Variants in KLHDC7B observed in about 807,000 individuals in gnomAD.
KLHDC7B encodes the protein kelch domain-containing protein 7B.
A neutral mutation model predicts 0.6 loss-of-function variants in KLHDC7B; 1 was observed. The ratio of observed to expected loss-of-function variants is 1.71; its 90% CI spans 0.61 to 8.11. The LOEUF (loss-of-function observed/expected upper bound fraction) is 8.11. Ranked by LOEUF, KLHDC7B falls within the 30% of genes most tolerant of loss-of-function variation. The probability of loss-of-function intolerance (pLI) is 0.13; values close to 1 mark genes in which losing one functional copy is unlikely to be tolerated. For synonymous variants in KLHDC7B, 462 were observed against 405.2 expected (o/e 1.14, Z -1.68); for missense variants, 993 against 894.9 (o/e 1.11, Z -1.40).
At position 50,547,553 on chromosome 22, in the gene KLHDC7B, T is replaced by C. The variant is rs769755264; in HGVS notation, c.1310T>C (p.Leu437Pro). 2 of 398,862 alleles carry C rather than the reference T, an allele frequency of 5.0e-6. No individual in the cohort carries two copies. The highest frequency in any genetic ancestry group is 8.8e-6 in the Non-Finnish European group (2 of 226,270). 24.7% of individuals were successfully genotyped at this position (398,862 alleles called of 1,614,324 possible). A position where few individuals can be genotyped will look rare whatever the true frequency, so the allele number is the denominator to read the frequency against. ...GGGTTCCCACCTGAAGCCCTGACTC[T>C]CCCCTCTCCTTCAGACTTTTTGCCC... ...GPGFPPEALTLPSPSDFLPLE... is the reference protein window; with the variant it reads ...GPGFPPEALTPPSPSDFLPLE... The change falls in exon 1 of 1, where the codon CTC becomes CCC. Residue 437 changes from leucine (L) to proline (P), a missense_variant. By Grantham distance (98) the Leu-to-Pro change is moderately conservative (BLOSUM62 -3). Transcript: ENST00000648057.
chr22:50,549,744 G>GCCCCCCCCCCCCC lies in KLHDC7B; in HGVS notation c.1581_1582insCCCCCCCCCCCCC (p.Ala528ProfsTer64). 7 of 1,554,582 alleles carry GCCCCCCCCCCCCC rather than the reference G, an allele frequency of 4.5e-6. No homozygotes were observed. The highest frequency in any genetic ancestry group is 3.9e-5 in the Admixed American group (2 of 50,754). On this transcript the variant is annotated frameshift_variant, in exon 1 of 1. Coordinates refer to the KLHDC7B transcript ENST00000395676. LOFTEE classifies it low-confidence loss of function (END_TRUNC). ...GGAGCAGGGCTGCCTCCCTGCCCCT[G>GCCCCCCCCCCCCC]CCCGCCCCCGCCCCACTGCACTGCA...
Position 50,546,760 on chromosome 22 carries a change from G to A in KLHDC7B, c.517G>A (p.Ala173Thr), listed in dbSNP as rs1273613328. The change falls in exon 1 of 1, where the codon GCC (alanine) becomes ACC (threonine). Residue 173 changes from alanine to threonine, a missense_variant. Physicochemically the swap from Ala to Thr is moderately conservative, Grantham distance 58. Transcript: ENST00000648057. The part of the protein sequence containing the change: ...LGRSEAGGMS[A>T]PLLIHFTPRS... ...CAGGAGCGAAGCAGGGGGGATGTCCGCCCCCCTCCTGATCCACTTCACTCC... is the reference window on the plus strand; with the variant it reads ...CAGGAGCGAAGCAGGGGGGATGTCCACCCCCCTCCTGATCCACTTCACTCC... Among the ~76,000 whole-genome samples, 6 of 152,230 alleles carry A rather than the reference G, an allele frequency of 3.9e-5. No homozygotes were observed. The highest frequency in any genetic ancestry group is 1.3e-4 in the Admixed American group (2 of 15,296).
At chr22:50,548,023 GC>G (rs2069752771), upstream of KLHDC7B, 1 of 433,266 alleles carries the variant, frequency 2.3e-6, no homozygotes, top group Non-Finnish European at 3.4e-6. The surrounding 1 kb of genome is among the most constrained non-coding windows in gnomAD (Gnocchi z 5.3). Flanking sequence ...CGCATCCCCT[GC>G]CCCAGCCCCC....
At position 50,550,147 on chromosome 22, in the gene KLHDC7B, A is replaced by C. The variant is rs568970769; in HGVS notation, c.*196A>C. ...CTCCCTCAGCCTCTTTCTGCCCCTC[A>C]CTCCACACCCAGACTGTTTCCTGAC... On this transcript the variant is annotated 3_prime_UTR_variant, in exon 1 of 1. Transcript: ENST00000648057. 1.2e-4 allele frequency: 66 copies of C among 548,128 alleles called. 1 individual carries two copies. The highest frequency in any genetic ancestry group is 1.1e-3 in the African/African-American group (56 of 51,464). 34.0% of individuals were successfully genotyped at this position (548,128 alleles called of 1,614,324 possible).
rs550966235 is a variant in KLHDC7B, at chr22:50,548,639, C to A, written c.2396C>A (p.Ala799Glu). The A allele has an allele frequency of 2.0e-6, 3 of 1,532,666 alleles. No homozygotes were observed. Among genetic ancestry groups the A allele is most frequent in the Admixed American group, 2.0e-5 (1 of 49,086 alleles). The allele number at this position is 1,532,666 out of a possible 1,614,324, so 94.9% of individuals were successfully genotyped here. The change falls in exon 1 of 1, where the codon GCG (alanine) becomes GAG (glutamate). Residue 799 changes from alanine (A) to glutamate (E), a missense_variant. By Grantham distance (107) the Ala-to-Glu change is moderately radical. Coordinates refer to ENST00000648057, the MANE Select transcript of KLHDC7B (RefSeq NM_138433.5). This position sits in a 1 kb window ranked among gnomAD's most constrained non-coding sequence, Gnocchi z 5.3. ...GCCTCGGGGGACCCTCAAGGGGAGG[C>A]GCCGGGGGAGGGGGGCAGCCCTGCC... ...PAASGDPQGE[A>E]PGEGGSPAGR... is the part of the protein sequence containing the mutation.
rs567972226 is a variant in KLHDC7B, at chr22:50,550,125, C to T, written c.*174C>T. On this transcript the variant is annotated 3_prime_UTR_variant, in exon 1 of 1. Transcript: ENST00000648057. Reference sequence around the variant, plus strand: ...GTCGATTATTTTGAAGCCCAGACTCCCTCAGCCTCTTTCTGCCCCTCACTC... The same window carrying T: ...GTCGATTATTTTGAAGCCCAGACTCTCTCAGCCTCTTTCTGCCCCTCACTC... 193 of 661,520 alleles carry T rather than the reference C, an allele frequency of 2.9e-4. No individual in the cohort carries two copies. The highest frequency in any genetic ancestry group is 2.8e-3 in the East Asian group (95 of 33,544). 41.0% of individuals were successfully genotyped at this position (661,520 alleles called of 1,614,324 possible).
In KLHDC7B at chr22:50,549,262, G is replaced by C; in HGVS notation, c.3019G>C (p.Gly1007Arg). The C allele has an allele frequency of 1.2e-6, 2 of 1,610,964 alleles. No homozygotes were observed. The highest frequency in any genetic ancestry group is 1.7e-6 in the Non-Finnish European group (2 of 1,179,944). The change falls in exon 1 of 1, where the codon GGT becomes CGT. Residue 1007 changes from glycine to arginine, a missense_variant. Coordinates refer to ENST00000648057, the MANE Select transcript of KLHDC7B (RefSeq NM_138433.5). ...TCTGGCGGGGGGCATCCGTGGCTCC[G>C]GTGCCAAGGCCGTCTGCTCCAACGA... ...LFLAGGIRGS[G>R]AKAVCSNEVF...
chr22:50,550,053 T>C lies in KLHDC7B; in HGVS notation c.*102T>C, dbSNP rs1603442650. 8.2e-7 allele frequency: 1 copy of C among 1,219,830 alleles called. No homozygotes were observed. The highest frequency in any genetic ancestry group is 1.7e-5 in the South Asian group (1 of 58,748). 75.6% of individuals were successfully genotyped at this position (1,219,830 alleles called of 1,614,324 possible). ...TCAGGGAAGGGGCTGGGATCGGAACTTCCTGCTCTTGTTTCTGGACAACTT... is the reference window on the plus strand; with the variant it reads ...TCAGGGAAGGGGCTGGGATCGGAACCTCCTGCTCTTGTTTCTGGACAACTT... On this transcript the variant is annotated 3_prime_UTR_variant, in exon 1 of 1. Transcript: ENST00000648057.
chr22:50,549,502 G>T lies in KLHDC7B; in HGVS notation c.3259G>T (p.Val1087Leu). The change falls in exon 1 of 1, where the codon GTG (valine) becomes TTG (leucine). Residue 1087 changes from valine to leucine, a missense_variant. By Grantham distance (32) the Val-to-Leu change is conservative. Transcript: ENST00000648057. ...CACCTTCCCTGTGGCCCACGAGGCT[G>T]TGGCCTGCCGTGGGGACATCTACGT... ...AGTFPVAHEA[V>L]ACRGDIYVTG... 1 of 1,611,836 alleles carries T rather than the reference G, an allele frequency of 6.2e-7. No individual in the cohort carries two copies. The highest frequency in any genetic ancestry group is 1.1e-5 in the South Asian group (1 of 90,948).
At position 50,547,830 on chromosome 22, in the gene KLHDC7B, T is replaced by TCCAGCC. The variant is rs1304794419; in HGVS notation, c.1598_1603dup (p.Ala533_Pro534dup). Among the ~76,000 whole-genome samples, 6 of 100,800 alleles carry TCCAGCC rather than the reference T, an allele frequency of 6.0e-5. No homozygotes were observed. Among genetic ancestry groups the TCCAGCC allele is most frequent in the South Asian group, 6.9e-4 (2 of 2,896 alleles). 66.1% of individuals were successfully genotyped at this position (100,800 alleles called of 152,430 possible). On this transcript the variant is annotated inframe_insertion, in exon 1 of 1. Coordinates refer to ENST00000648057, the MANE Select transcript of KLHDC7B (RefSeq NM_138433.5). ...CCCCAAGTCCAGCTGCAGCCGCAAC[T>TCCAGCC]CCAGCCCCAGCCCCAGTCCCAGTCC...
In KLHDC7B at chr22:50,550,084, T is replaced by C; in HGVS notation, c.*133T>C. ...CTCTTGTTTCTGGACAACTTTCCCC[T>C]TCTGCTTTAAAGGTTGTCGATTATT... On this transcript the variant is annotated 3_prime_UTR_variant, in exon 1 of 1. Transcript: ENST00000648057. The C allele has an allele frequency of 4.1e-6, 4 of 980,098 alleles. No individual in the cohort carries two copies. The highest frequency in any genetic ancestry group is 5.9e-6 in the Non-Finnish European group (4 of 682,732). 60.7% of individuals were successfully genotyped at this position (980,098 alleles called of 1,614,324 possible).
chr22:50,548,028 AG>A, upstream of KLHDC7B: 1 of 124,294 alleles, frequency 8.0e-6, no homozygotes, highest in Non-Finnish European at 1.4e-5. This position sits in a 1 kb window ranked among gnomAD's most constrained non-coding sequence, Gnocchi z 5.3. Context: ...CCCCTGCCCC[AG>A]CCCCCACCTC....
chr22:50,549,874 C>G lies in KLHDC7B; in HGVS notation c.3631C>G (p.Pro1211Ala). ...CCAGGCCAAGGAGCTGCAGCCCTTC[C>G]CCTTGGGGAGCACCGGGGTCCTCAG... Reference protein sequence around the residue: ...QFQAKELQPFPLGSTGVLSPF... With the variant: ...QFQAKELQPFALGSTGVLSPF... Residue 1211 changes from proline (P) to alanine (A), a missense_variant, in exon 1 of 1, where the codon CCC (proline) becomes GCC (alanine). By Grantham distance (27) the Pro-to-Ala change is conservative. Transcript: ENST00000648057. The G allele has an allele frequency of 1.3e-6, 2 of 1,587,488 alleles. No homozygotes were observed. Among genetic ancestry groups the G allele is most frequent in the South Asian group, 1.1e-5 (1 of 88,280 alleles).
Position 50,548,895 on chromosome 22 carries a change from C to A in KLHDC7B, c.729C>A (p.Tyr243Ter), listed in dbSNP as rs754753447. 2 of 1,583,500 alleles carry A rather than the reference C, an allele frequency of 1.3e-6. No homozygotes were observed. The highest frequency in any genetic ancestry group is 1.1e-5 in the South Asian group (1 of 88,210). The change falls in exon 1 of 1, where the codon TAC becomes TAA. Residue 243 changes from tyrosine (Y) to a stop codon, truncating the protein, a stop_gained. Transcript: ENST00000395676. LOFTEE classifies it low-confidence loss of function (END_TRUNC). This position sits in a 1 kb window ranked among gnomAD's most constrained non-coding sequence, Gnocchi z 5.3. ...AGCCCGGCCTGGCGCAGGAGACCTA[C>A]GCGCTGATGAGCGACAACCTGCTGC...
chr22:50,548,099 A>G lies in KLHDC7B; in HGVS notation c.1856A>G (p.Glu619Gly). The G allele has an allele frequency of 7.4e-7, 1 of 1,342,958 alleles. No homozygotes were observed. Among genetic ancestry groups the G allele is most frequent in the Non-Finnish European group, 9.7e-7 (1 of 1,036,208 alleles). The allele number at this position is 1,342,958 out of a possible 1,614,324, so 83.2% of individuals were successfully genotyped here. A position where few individuals can be genotyped will look rare whatever the true frequency, so the allele number is the denominator to read the frequency against. The change falls in exon 1 of 1, where the codon GAG becomes GGG. Residue 619 changes from glutamate to glycine, a missense_variant. Glu to Gly is a moderately conservative substitution (Grantham distance 98, BLOSUM62 -2). Transcript: ENST00000648057. This position sits in a 1 kb window ranked among gnomAD's most constrained non-coding sequence, Gnocchi z 5.3. ...PAPADGSKPQ[E>G]SVALPRRYQE... Reference sequence around the variant, plus strand: ...CCAGCTGACGGGTCAAAGCCTCAGGAGAGTGTGGCTCTCCCCAGGCGCTAC... The same window carrying G: ...CCAGCTGACGGGTCAAAGCCTCAGGGGAGTGTGGCTCTCCCCAGGCGCTAC...
Position 50,550,122 on chromosome 22 carries a change from C to T in KLHDC7B, c.*171C>T. On this transcript the variant is annotated 3_prime_UTR_variant, in exon 1 of 1. Coordinates refer to ENST00000648057, the MANE Select transcript of KLHDC7B (RefSeq NM_138433.5). ...GTTGTCGATTATTTTGAAGCCCAGA[C>T]TCCCTCAGCCTCTTTCTGCCCCTCA... The T allele has an allele frequency of 1.5e-6, 1 of 663,814 alleles. No individual in the cohort carries two copies. Among genetic ancestry groups the T allele is most frequent in the Non-Finnish European group, 2.5e-6 (1 of 402,118 alleles). The allele number at this position is 663,814 out of a possible 1,614,324, so 41.1% of individuals were successfully genotyped here.
rs765594343 is a variant in KLHDC7B at position 50,549,549 on chromosome 22, C to T, written c.3306C>T (p.Tyr1102=). ...ACGTCACCGGGGGTCACCTCTTCTA[C>T]CGCCTGCTCAGGTACAGCCCCGTGA... ...DIYVTGGHLF[Y]RLLRYSPVKD... Residue 1102 remains tyrosine (Y), a synonymous_variant, in exon 1 of 1, where the codon TAC becomes TAT. Coordinates refer to ENST00000648057, the MANE Select transcript of KLHDC7B (RefSeq NM_138433.5). 1.1e-5 allele frequency: 17 copies of T among 1,600,012 alleles called. 1 individual carries two copies. In the South Asian group the frequency reaches 1.9e-4, roughly 18 times the overall value.
chr22:50,549,505 G>A lies in KLHDC7B; in HGVS notation c.3262G>A (p.Ala1088Thr). 6.2e-7 allele frequency: 1 copy of A among 1,610,912 alleles called. No homozygotes were observed. Among genetic ancestry groups the A allele is most frequent in the Non-Finnish European group, 8.5e-7 (1 of 1,179,170 alleles). Residue 1088 changes from alanine to threonine, a missense_variant, in exon 1 of 1, where the codon GCC (alanine) becomes ACC (threonine). Ala to Thr is a moderately conservative substitution (Grantham distance 58, BLOSUM62 0). Transcript: ENST00000648057. ...CTTCCCTGTGGCCCACGAGGCTGTG[G>A]CCTGCCGTGGGGACATCTACGTCAC... ...GTFPVAHEAV[A>T]CRGDIYVTGG...
At chr22:50,547,653 AG>A, upstream of KLHDC7B, 1 of 407,636 alleles carries the variant, frequency 2.5e-6, no homozygotes, top group Non-Finnish European at 4.3e-6. Context: ...CCTCAGCCCA[AG>A]TCTTAACTTC....
Sources: gnomAD v4.1 joint callset for allele counts (sites outside exome capture counted in the v4.1 genomes callset) on GRCh38, gnomAD v4.1.1 for gene constraint, Gnocchi (gnomAD v3.1) non-coding constraint, MANE v1.5 for transcripts, NCBI Gene and HGNC (gene_info 2026-07-23, HGNC 2026-07-21) for gene names.